Variants in ZNF577 observed in about 807,000 individuals in gnomAD.
The protein encoded by ZNF577 is zinc finger protein 577.
ZNF577 carries 14 observed loss-of-function variants against 13.9 expected under a neutral mutation model. The ratio of observed to expected loss-of-function variants is 1.00; its 90% CI spans 0.66 to 1.57. The LOEUF is 1.57. ZNF577 is among the 40% of genes most tolerant of loss of function. ZNF577 has a pLI of 0.00. For synonymous variants in ZNF577, 203 were observed against 202.9 expected (o/e 1.00, Z 0.00); for missense variants, 555 against 579.2 (o/e 0.96, Z 0.43).
At position 51,867,788 on chromosome 19, in the gene ZNF577, TAAACAAA is replaced by T. The variant is rs919646780; in HGVS notation, c.*4737_*4743del. On this transcript the variant is annotated 3_prime_UTR_variant, in exon 6 of 6. Coordinates refer to ENST00000638348, the MANE Select transcript of ZNF577 (RefSeq NM_001370449.1). ...CAAAAGAGCGAAACTCCATCTCAAA[TAAACAAA>T]AAACAAAAACAAGCAAACAAACAAA... Among the ~76,000 whole-genome samples, 9 of 151,562 alleles carry T rather than the reference TAAACAAA, an allele frequency of 5.9e-5. No homozygotes were observed. The highest frequency in any genetic ancestry group is 2.2e-4 in the African/African-American group (9 of 41,328).
intron 9 of ZNF577, among the ~76,000 whole-genome samples, chr19:51,813,631 C>T (rs904609233): frequency 2.6e-5 from 4 of 151,818 alleles, no homozygotes; most frequent in South Asian, 2.1e-4. Context: ...CCCGGGTTCA[C>T]GCCATTTTCC....
intron 1 of ZNF577, among the ~76,000 whole-genome samples, chr19:51,882,470 A>G (rs2084876193): frequency 7.1e-6 from 1 of 140,998 alleles, no homozygotes; most frequent in South Asian, 2.6e-4. Context: ...GGCAGCCAAC[A>G]GTATCCAATA....
chr19:51,841,863 C>T (rs1175036829), intron 8 of ZNF577, among the ~76,000 whole-genome samples: 2 of 152,158 alleles, frequency 1.3e-5, no homozygotes, highest in Non-Finnish European at 2.9e-5. Context: ...CAATCATAAG[C>T]TTGCCACATT....
intron 5 of ZNF577, among the ~76,000 whole-genome samples, chr19:51,847,094 A>C (rs2084356695): frequency 6.6e-6 from 1 of 152,086 alleles, no homozygotes; most frequent in Non-Finnish European, 1.5e-5. Context: ...TTGACATAAA[A>C]AGCTAGTACT....
In ZNF577 at chr19:51,879,262, G is replaced by GAA. The variant is rs550021860; in HGVS notation, c.61-749_61-748dup. Among the ~76,000 whole-genome samples the GAA allele has an allele frequency of 7.2e-3, 963 of 133,608 alleles. 15 individuals are homozygous for GAA. Among genetic ancestry groups the GAA allele is most frequent in the African/African-American group, 0.025 (908 of 36,324 alleles). 87.7% of individuals were successfully genotyped at this position (133,608 alleles called of 152,430 possible). ...ACAGAGCAAGACTCCGTCTCAAGAG[G>GAA]AAAAAAAAAAAAAAAGTAATAATAT... On this transcript the variant is annotated intron_variant, in intron 3 of 5. Coordinates refer to ENST00000638348, the MANE Select transcript of ZNF577 (RefSeq NM_001370449.1).
intron 10 of ZNF577, among the ~76,000 whole-genome samples, chr19:51,807,115 A>C (rs1371506095): frequency 6.6e-6 from 1 of 152,182 alleles, no homozygotes; most frequent in African/African-American, 2.4e-5. Flanking sequence ...AAAAGAGTAT[A>C]TTTGGAAGAA....
chr19:51,827,310 G>T (rs1031961514), intron 9 of ZNF577, among the ~76,000 whole-genome samples: 1 of 152,124 alleles, frequency 6.6e-6, no homozygotes, highest in African/African-American at 2.4e-5. Context: ...AGTCAGCCAC[G>T]TTAGATTTCT....
chr19:51,809,007 C>T (rs1207790396), intron 10 of ZNF577, among the ~76,000 whole-genome samples: 1 of 152,192 alleles, frequency 6.6e-6, no homozygotes, highest in Non-Finnish European at 1.5e-5. Context: ...GAAATCCTGA[C>T]GTCCTAGCCC....
At chr19:51,855,167 G>A (rs1212454892) in intron 5 of ZNF577, among the ~76,000 whole-genome samples, 2 of 152,152 alleles carry the variant, frequency 1.3e-5, no homozygotes, top group Non-Finnish European at 2.9e-5. Context: ...ATATAAAGTT[G>A]TTACTTTGGA....
intron 5 of ZNF577, among the ~76,000 whole-genome samples, chr19:51,874,463 G>A (rs921103932): frequency 6.7e-6 from 1 of 150,242 alleles, no homozygotes; most frequent in African/African-American, 2.5e-5. Context: ...TGAAAACCCA[G>A]AGGCAGAAAA....
chr19:51,839,462 T>A (rs1008480798), intron 9 of ZNF577, among the ~76,000 whole-genome samples: 11 of 152,166 alleles, frequency 7.2e-5, no homozygotes, highest in Admixed American at 5.9e-4. Context: ...ACCAAGTATT[T>A]ATGACACAAT....
intron 5 of ZNF577, among the ~76,000 whole-genome samples, chr19:51,852,250 C>G (rs767799414): frequency 4.6e-5 from 7 of 152,206 alleles, no homozygotes; most frequent in Non-Finnish European, 1.0e-4. Flanking sequence ...TGCCACCAGA[C>G]AGCGTGCTGG....
intron 9 of ZNF577, among the ~76,000 whole-genome samples, chr19:51,819,909 G>A (rs2084175296): frequency 6.6e-6 from 1 of 152,176 alleles, no homozygotes. Context: ...TTAGCAGAAA[G>A]CAGAAGGACA....
chr19:51,873,952 C>G (rs1443613354), intron 5 of ZNF577, among the ~76,000 whole-genome samples: 1 of 152,066 alleles, frequency 6.6e-6, no homozygotes, highest in Non-Finnish European at 1.5e-5. Context: ...GCAGAAGGTG[C>G]AAAAATGCCA....
intron 9 of ZNF577, among the ~76,000 whole-genome samples, chr19:51,814,155 G>A (rs1306494156): frequency 2.6e-5 from 4 of 152,094 alleles, no homozygotes; most frequent in East Asian, 1.9e-4. Context: ...ATAGTGATTC[G>A]GGGAGAAAAG....
intron 1 of ZNF577, among the ~76,000 whole-genome samples, chr19:51,884,212 G>C (rs866968260): frequency 1.3e-5 from 2 of 152,266 alleles, no homozygotes; most frequent in Middle Eastern, 6.8e-3. Context: ...AGGAGTTCAA[G>C]ACCAGCCTGG....
intron 10 of ZNF577, among the ~76,000 whole-genome samples, chr19:51,808,263 T>C (rs1261452145): frequency 6.6e-6 from 1 of 152,232 alleles, no homozygotes; most frequent in Non-Finnish European, 1.5e-5. Context: ...CTATAACCTG[T>C]CTTTATGGAG....
chr19:51,830,317 T>C (rs1418510837), intron 9 of ZNF577, among the ~76,000 whole-genome samples: 1 of 152,220 alleles, frequency 6.6e-6, no homozygotes, highest in East Asian at 1.9e-4. Flanking sequence ...AAAAACCTTT[T>C]GTACCACACG....
In ZNF577 at chr19:51,868,963, A is replaced by G. The variant is rs147980631; in HGVS notation, c.*3569T>C. ...AGTATGCTTGGTAAAAGTCATCACC[A>G]TTCTCCAGTCTCGAGTACCCAGGGA... is the stretch of plus-strand genomic sequence containing the variant. On this transcript the variant is annotated 3_prime_UTR_variant, in exon 6 of 6. Coordinates refer to ENST00000638348, the MANE Select transcript of ZNF577 (RefSeq NM_001370449.1). Among the ~76,000 whole-genome samples the G allele has an allele frequency of 0.18, 27,289 of 152,090 alleles. 2,862 individuals carry two copies. The highest frequency in any genetic ancestry group is 0.4 in the South Asian group (1,927 of 4,820).
Sources: gnomAD v4.1 joint callset for allele counts (sites outside exome capture counted in the v4.1 genomes callset) on GRCh38, gnomAD v4.1.1 for gene constraint, MANE v1.5 for transcripts, NCBI Gene and HGNC (gene_info 2026-07-23, HGNC 2026-07-21) for gene names.